Variants in R3HDM2 observed in about 807,000 individuals in gnomAD.
The protein encoded by R3HDM2 is R3H domain containing 2.
A neutral mutation model predicts 124.5 loss-of-function variants in R3HDM2; 38 were observed. The observed-to-expected ratio is 0.31, with a 90% CI of 0.24 to 0.40. The LOEUF is 0.40. R3HDM2 is among the 10% of genes least tolerant of loss of function. The probability of loss-of-function intolerance (pLI) is 1.00; values close to 1 mark genes in which losing one functional copy is unlikely to be tolerated. For missense variants in R3HDM2, 869 were observed against 1,236.9 expected, an observed-to-expected ratio of 0.70 and a Z score of 4.46; for synonymous variants, 391 against 448.0, an observed-to-expected ratio of 0.87 and a Z score of 1.61.
intron 2 of R3HDM2, among the ~76,000 whole-genome samples, chr12:57,346,012 T>G (rs2060048466): frequency 6.6e-6 from 1 of 151,880 alleles, no homozygotes; most frequent in African/African-American, 2.4e-5. Context: ...ATACAAAAAT[T>G]AGCCGGGCGT....
intron 2 of R3HDM2, among the ~76,000 whole-genome samples, chr12:57,350,481 C>A (rs187206058): frequency 1.3e-5 from 2 of 152,154 alleles, no homozygotes; most frequent in East Asian, 3.9e-4. Flanking sequence ...AATAAAACTA[C>A]ATCAAATGGT....
At chr12:57,272,477 G>C in intron 14 of R3HDM2, 1 of 1,550,794 alleles carries the variant, frequency 6.4e-7, no homozygotes, top group Non-Finnish European at 8.7e-7. Flanking sequence ...GGGGCGGAGA[G>C]ACTGGCAGAA....
At chr12:57,331,521 C>T (rs1045501065) in intron 2 of R3HDM2, among the ~76,000 whole-genome samples, 9 of 152,192 alleles carry the variant, frequency 5.9e-5, no homozygotes, top group East Asian at 1.9e-4. Context: ...TTGCTTTGCT[C>T]GCTGCTTATA....
At chr12:57,304,432 CAGG>C in intron 3 of R3HDM2, 1 of 863,932 alleles carries the variant, frequency 1.2e-6, no homozygotes. Flanking sequence ...GGAACTGAGG[CAGG>C]AGGATAGGGG....
intron 2 of R3HDM2, among the ~76,000 whole-genome samples, chr12:57,313,308 C>T (rs546770526): frequency 6.6e-6 from 1 of 152,250 alleles, no homozygotes; most frequent in East Asian, 1.9e-4. Context: ...GCCTGTAACC[C>T]CAACACTTTG....
intron 2 of R3HDM2, among the ~76,000 whole-genome samples, chr12:57,370,144 T>C (rs972909664): frequency 1.3e-5 from 2 of 152,152 alleles, no homozygotes; most frequent in African/African-American, 4.8e-5. Flanking sequence ...GGGAGGCTTA[T>C]TGGATCACGG....
At chr12:57,333,766 G>A (rs1368464142) in intron 2 of R3HDM2, among the ~76,000 whole-genome samples, 4 of 152,024 alleles carry the variant, frequency 2.6e-5, no homozygotes, top group African/African-American at 9.7e-5. Context: ...AAGGGCACTG[G>A]ATGTGGTGGC....
intron 2 of R3HDM2, among the ~76,000 whole-genome samples, chr12:57,371,748 G>A (rs1409379603): frequency 6.6e-6 from 1 of 152,204 alleles, no homozygotes. Context: ...ATATCTTTGA[G>A]CATAGTCTAA....
At chr12:57,305,894 T>C (rs562011018) in intron 3 of R3HDM2, among the ~76,000 whole-genome samples, 5 of 152,370 alleles carry the variant, frequency 3.3e-5, no homozygotes, top group Admixed American at 1.3e-4. Flanking sequence ...GTAGTACTTA[T>C]AGTTCTGTAA....
chr12:57,340,669 TG>T (rs1449295210), intron 2 of R3HDM2, among the ~76,000 whole-genome samples: 11 of 152,156 alleles, frequency 7.2e-5, no homozygotes, highest in Non-Finnish European at 1.6e-4. Context: ...TCAGAGTAAA[TG>T]AAAGCACAGA....
chr12:57,302,145 G>A lies in R3HDM2; in HGVS notation c.207+1031C>T, dbSNP rs963868649. On this transcript the variant is annotated intron_variant, in intron 4 of 23. Transcript: ENST00000402412. ...AAAACACAAAAATTAGCCTGGCCTA[G>A]TGGTGTGTGCCTGTAAGCCCAGCTG... 3.3e-5 allele frequency among the ~76,000 whole-genome samples: 5 copies of A among 152,258 alleles called. No homozygotes were observed. The South Asian group carries it at 1.0e-3, about 32-fold the overall frequency.
At chr12:57,351,856 G>A (rs1293248077) in intron 2 of R3HDM2, among the ~76,000 whole-genome samples, 4 of 152,022 alleles carry the variant, frequency 2.6e-5, no homozygotes, top group African/African-American at 9.7e-5. Context: ...AATGATATAC[G>A]GATGCTCACC....
At position 57,330,434 on chromosome 12, in the gene R3HDM2, C is replaced by T. The variant is rs185502602; in HGVS notation, c.-35-19971G>A. ...CCTCAGCTCACAGCAACCTCCGCCT[C>T]CTGGGTTCAAGCGATTCTCCTGCCT... On this transcript the variant is annotated intron_variant, in intron 2 of 23. Coordinates refer to ENST00000402412, the MANE Select transcript of R3HDM2 (RefSeq NM_001394031.1). Among the ~76,000 whole-genome samples the T allele has an allele frequency of 1.4e-3, 216 of 152,068 alleles. 2 individuals are homozygous for T. The highest frequency in any genetic ancestry group is 4.9e-3 in the African/African-American group (205 of 41,490).
intron 1 of R3HDM2, among the ~76,000 whole-genome samples, chr12:57,406,616 C>T (rs572205727): frequency 6.6e-6 from 1 of 152,142 alleles, no homozygotes; most frequent in Non-Finnish European, 1.5e-5. Flanking sequence ...TGAGTATCAC[C>T]ATTTATAATC....
intron 20 of R3HDM2, 147 bp downstream of exon 20, chr12:57,258,743 G>A: frequency 2.9e-6 from 2 of 698,542 alleles, no homozygotes; most frequent in Admixed American, 6.1e-5. Context: ...TTCCTTAAAA[G>A]AGGATGCTGT....
At chr12:57,257,619 G>A (rs913908879) in intron 21 of R3HDM2, among the ~76,000 whole-genome samples, 1 of 152,160 alleles carries the variant, frequency 6.6e-6, no homozygotes, top group Non-Finnish European at 1.5e-5. Context: ...ACCAAATCTA[G>A]TGGTTCCTTT....
intron 2 of R3HDM2, among the ~76,000 whole-genome samples, chr12:57,379,186 T>C (rs2064497626): frequency 6.6e-6 from 1 of 152,206 alleles, no homozygotes; most frequent in Non-Finnish European, 1.5e-5. Context: ...ATGTATTTAA[T>C]ACCACTGAAC....
At chr12:57,286,770 C>T (rs910987978) in intron 12 of R3HDM2, among the ~76,000 whole-genome samples, 4 of 151,868 alleles carry the variant, frequency 2.6e-5, no homozygotes, top group Admixed American at 6.6e-5. Flanking sequence ...CCCAGCTACT[C>T]GGGAGGCTGA....
At chr12:57,343,846 C>T (rs2059843899) in intron 2 of R3HDM2, among the ~76,000 whole-genome samples, 1 of 151,658 alleles carries the variant, frequency 6.6e-6, no homozygotes, top group Non-Finnish European at 1.5e-5. Flanking sequence ...AAGGCTGATC[C>T]CGCAGGGCCA....
Sources: allele counts gnomAD v4.1 joint callset (sites outside exome capture counted in the v4.1 genomes callset), GRCh38; gene constraint gnomAD v4.1.1; transcripts MANE v1.5; gene names NCBI Gene and HGNC (gene_info 2026-07-23, HGNC 2026-07-21).